The following NFASC variants were observed in gnomAD, a reference collection of about 807,000 sequenced individuals.
NFASC encodes the protein neurofascin.
NFASC carries 43 observed loss-of-function variants against 147.5 expected under a neutral mutation model. That is an observed-to-expected ratio of 0.29 (90% CI 0.23 to 0.38). The LOEUF (loss-of-function observed/expected upper bound fraction) is 0.38. Ranked by LOEUF, NFASC falls within the 10% of genes least tolerant of loss-of-function variation. NFASC has a pLI of 1.00. For synonymous variants in NFASC, 622 were observed against 665.5 expected, an observed-to-expected ratio of 0.93 and a Z score of 1.01; for missense variants, 1,320 against 1,689.0, an observed-to-expected ratio of 0.78 and a Z score of 3.83.
At chr1:205,009,496 C>T (rs142404652) in intron 27 of NFASC, 61 bp from the exon 28 acceptor site, 2 of 1,570,566 alleles carry the variant, frequency 1.3e-6, no homozygotes, top group Non-Finnish European at 1.8e-6. Flanking sequence ...CCCTCCATCT[C>T]CCTCCTCACC....
At chr1:204,928,590 C>A (rs756514329) in intron 2 of NFASC, among the ~76,000 whole-genome samples, 1 of 152,118 alleles carries the variant, frequency 6.6e-6, no homozygotes, top group Non-Finnish European at 1.5e-5. Context: ...AATACAATGA[C>A]GTGAGTTGTA....
intron 1 of NFASC, among the ~76,000 whole-genome samples, chr1:204,876,405 T>A (rs868402776): frequency 1.3e-4 from 20 of 152,364 alleles, no homozygotes; most frequent in African/African-American, 4.6e-4. Flanking sequence ...TATCTTTCTT[T>A]TCTTTCTTTT....
chr1:204,875,944 A>G (rs751632473), intron 1 of NFASC, among the ~76,000 whole-genome samples: 3 of 152,282 alleles, frequency 2.0e-5, no homozygotes, highest in Non-Finnish European at 2.9e-5. Context: ...GGAAAAGTGG[A>G]AGGAGGAGGG....
intron 1 of NFASC, among the ~76,000 whole-genome samples, chr1:204,834,969 A>G (rs1386632292): frequency 2.0e-5 from 3 of 152,096 alleles, no homozygotes; most frequent in Non-Finnish European, 4.4e-5. Context: ...AAGAAGGTCT[A>G]ATTATTCTCA....
chr1:204,884,540 G>T (rs2080929705), intron 1 of NFASC, among the ~76,000 whole-genome samples: 2 of 152,070 alleles, frequency 1.3e-5, no homozygotes, highest in African/African-American at 4.8e-5. Context: ...AGTGATGTCT[G>T]GATGTTAAGA....
intron 1 of NFASC, among the ~76,000 whole-genome samples, chr1:204,915,306 TAAC>T (rs1347329628): frequency 6.6e-6 from 1 of 152,000 alleles, no homozygotes; most frequent in Non-Finnish European, 1.5e-5. Flanking sequence ...AAAATAATAA[TAAC>T]AAGGCAGTTT....
At chr1:204,977,377 G>A (rs536705658) in intron 16 of NFASC, among the ~76,000 whole-genome samples, 4 of 152,290 alleles carry the variant, frequency 2.6e-5, no homozygotes, top group African/African-American at 9.6e-5. Flanking sequence ...CTGCCTCCCC[G>A]TGGGTGCCCT....
At chr1:204,830,482 A>G (rs1045896833) in intron 1 of NFASC, among the ~76,000 whole-genome samples, 1 of 152,196 alleles carries the variant, frequency 6.6e-6, no homozygotes, top group Non-Finnish European at 1.5e-5. Flanking sequence ...GGGGCCTGCT[A>G]CGCAGCTAAT....
At chr1:204,944,472 G>GGGA in intron 3 of NFASC, 66 bp downstream of exon 3, 4 of 402,554 alleles carry the variant, frequency 9.9e-6, no homozygotes, top group East Asian at 6.4e-5. Context: ...GGAGGGGAGG[G>GGGA]AAGGTCAGAG....
chr1:204,997,499 G>A (rs1413578375), intron 25 of NFASC, 93 bp downstream of exon 25: 2 of 1,432,536 alleles, frequency 1.4e-6, no homozygotes. Context: ...CGAGGAGGTG[G>A]GGTCTGGGGT....
At chr1:204,885,094 G>T (rs767363722) in intron 1 of NFASC, among the ~76,000 whole-genome samples, 1 of 151,976 alleles carries the variant, frequency 6.6e-6, no homozygotes, top group East Asian at 1.9e-4. Flanking sequence ...AAGAGTTTGG[G>T]CAACATAATG....
Position 204,920,749 on chromosome 1 carries a change from G to T in NFASC, c.-91+9G>T, listed in dbSNP as rs1388375333. 3 of 1,252,458 alleles carry T rather than the reference G, an allele frequency of 2.4e-6. No individual in the cohort carries two copies. The highest frequency in any genetic ancestry group is 3.1e-6 in the Non-Finnish European group (3 of 954,942). 77.6% of individuals were successfully genotyped at this position (1,252,458 alleles called of 1,614,324 possible). A position where few individuals can be genotyped will look rare whatever the true frequency, so the allele number is the denominator to read the frequency against. On this transcript the variant is annotated intron_variant, in intron 2 of 29. Coordinates refer to ENST00000339876, the MANE Select transcript of NFASC (RefSeq NM_001005388.3). ...TGAATGAGGCAGAGAAGGTAAGCAG[G>T]ACTTGGGCCTGGGGTATGTGTCATT...
intron 7 of NFASC, among the ~76,000 whole-genome samples, chr1:204,956,069 A>G (rs2094412085): frequency 6.6e-6 from 1 of 152,050 alleles, no homozygotes; most frequent in Non-Finnish European, 1.5e-5. Context: ...CCCACATCAC[A>G]TTCACCATCA....
intron 27 of NFASC, among the ~76,000 whole-genome samples, chr1:205,004,490 A>T (rs1201467128): frequency 6.6e-6 from 1 of 152,216 alleles, no homozygotes; most frequent in Non-Finnish European, 1.5e-5. Flanking sequence ...CGAGAGCTGG[A>T]GTGGGCAGGT....
At chr1:204,877,087 T>TTATTTATATATATATATATAATA in intron 1 of NFASC, among the ~76,000 whole-genome samples, 1 of 116,504 alleles carries the variant, frequency 8.6e-6, no homozygotes, top group African/African-American at 3.5e-5. Flanking sequence ...TATAATATAT[T>TTATTTATATATATATATATAATA]TATTTATATA....
intron 1 of NFASC, among the ~76,000 whole-genome samples, chr1:204,855,093 G>A (rs1326795898): frequency 6.6e-6 from 1 of 152,240 alleles, no homozygotes; most frequent in Non-Finnish European, 1.5e-5. Context: ...CAGTGAGTGA[G>A]GGATAGAGCC....
At chr1:204,847,660 C>T (rs987359892) in intron 1 of NFASC, among the ~76,000 whole-genome samples, 1 of 152,218 alleles carries the variant, frequency 6.6e-6, no homozygotes, top group Non-Finnish European at 1.5e-5. Context: ...GGACGTGACT[C>T]TCTCCTGCCA....
chr1:204,979,037 TC>T lies in NFASC; in HGVS notation c.1950del (p.Asp652MetfsTer83). On this transcript the variant is annotated frameshift_variant, in exon 18 of 30. Transcript: ENST00000339876. LOFTEE classifies it high-confidence loss of function. This position sits in a 1 kb window ranked among gnomAD's most constrained non-coding sequence, Gnocchi z 6.0. The stretch of plus-strand genomic sequence containing the variant: ...GAGAGGAGCGTGCGGCTGACCTGGA[TC>T]CCCGGGGATGCTAACAACAGCCCCA... ...LAERSVRLTW[I>X]PGDANNSPIT... is the part of the protein sequence containing the mutation. The T allele has an allele frequency of 6.4e-7, 1 of 1,564,500 alleles. No individual in the cohort carries two copies. The highest frequency in any genetic ancestry group is 8.7e-7 in the Non-Finnish European group (1 of 1,153,648).
chr1:204,886,814 C>A (rs189679354), intron 1 of NFASC, among the ~76,000 whole-genome samples: 45 of 152,260 alleles, frequency 3.0e-4, no homozygotes, highest in African/African-American at 1.1e-3. Context: ...CTAAAATGAT[C>A]ATTTCTTGGT....
Sources: allele counts gnomAD v4.1 joint callset (sites outside exome capture counted in the v4.1 genomes callset), GRCh38; gene constraint gnomAD v4.1.1; non-coding constraint Gnocchi (gnomAD v3.1); transcripts MANE v1.5; gene names NCBI Gene and HGNC (gene_info 2026-07-23, HGNC 2026-07-21).